The following AK5 variants were observed in gnomAD, a reference collection of about 807,000 sequenced individuals.
The protein encoded by AK5 is adenylate kinase isoenzyme 5.
Under a neutral mutation model 69.5 loss-of-function variants are expected in AK5, and 27 were observed. That is an observed-to-expected ratio of 0.39 (90% CI 0.29 to 0.54). The LOEUF is 0.54. Ranked by LOEUF, AK5 falls within the 20% of genes least tolerant of loss-of-function variation. The pLI, the probability that AK5 is intolerant of heterozygous loss-of-function variation, is 0.71. For missense variants in AK5, 531 were observed against 700.4 expected (o/e 0.76, Z 2.73); for synonymous variants, 260 against 244.4 (o/e 1.06, Z -0.60).
intron 6 of AK5, among the ~76,000 whole-genome samples, chr1:77,376,409 T>G (rs1465903579): frequency 2.0e-5 from 2 of 100,750 alleles, no homozygotes; most frequent in African/African-American, 8.0e-5. Flanking sequence ...AGCCAAAAAG[T>G]GAGCACTTCA....
At chr1:77,510,667 A>G (rs1342673351) in intron 10 of AK5, among the ~76,000 whole-genome samples, 1 of 152,142 alleles carries the variant, frequency 6.6e-6, no homozygotes, top group Non-Finnish European at 1.5e-5. Flanking sequence ...TTTCATATGG[A>G]CAAAAAAGAG....
intron 8 of AK5, among the ~76,000 whole-genome samples, chr1:77,438,294 CAAAAAAAAAAAAAAA>C (rs56019139): frequency 2.4e-3 from 127 of 52,810 alleles, no homozygotes; most frequent in East Asian, 0.023. Context: ...ATATTTGGTA[CAAAAAAAAAAAAAAA>C]AAAAAAAAAA....
At chr1:77,334,714 C>T (rs956815135) in intron 5 of AK5, among the ~76,000 whole-genome samples, 4 of 152,072 alleles carry the variant, frequency 2.6e-5, no homozygotes, top group African/African-American at 9.7e-5. Context: ...CACCTTAACA[C>T]AATAAGAGTT....
chr1:77,298,627 A>C, intron 5 of AK5, among the ~76,000 whole-genome samples: 1 of 144,644 alleles, frequency 6.9e-6, no homozygotes, highest in Admixed American at 6.8e-5. Context: ...AATATGACGA[A>C]ACCCCATCTC....
intron 6 of AK5, among the ~76,000 whole-genome samples, chr1:77,388,848 C>T (rs1164757913): frequency 6.6e-6 from 1 of 151,910 alleles, no homozygotes; most frequent in African/African-American, 2.4e-5. Flanking sequence ...GACGTGGTGA[C>T]TGGAAGGGCT....
At chr1:77,441,611 T>A in intron 8 of AK5, among the ~76,000 whole-genome samples, 1 of 152,220 alleles carries the variant, frequency 6.6e-6, no homozygotes, top group East Asian at 1.9e-4. Context: ...GCTGTAGGAC[T>A]TTGTGGTAGC....
intron 6 of AK5, among the ~76,000 whole-genome samples, chr1:77,404,414 A>T (rs1057131036): frequency 6.6e-5 from 10 of 152,118 alleles, no homozygotes; most frequent in African/African-American, 2.4e-4. Context: ...AAGTATCAAC[A>T]TATGTTGTTT....
intron 3 of AK5, among the ~76,000 whole-genome samples, 166 bp from the exon 4 acceptor site, chr1:77,297,393 C>T (rs1179444791): frequency 6.6e-6 from 1 of 152,116 alleles, no homozygotes; most frequent in Non-Finnish European, 1.5e-5. Flanking sequence ...GACAAAGTCT[C>T]TACTTGCTTT....
intron 13 of AK5, among the ~76,000 whole-genome samples, chr1:77,544,699 G>A (rs1398545513): frequency 1.3e-5 from 2 of 152,104 alleles, no homozygotes. Context: ...GCATGGAGCT[G>A]TCGTCTGCTT....
intron 2 of AK5, among the ~76,000 whole-genome samples, chr1:77,290,408 G>C (rs1658621888): frequency 6.6e-6 from 1 of 152,132 alleles, no homozygotes; most frequent in African/African-American, 2.4e-5. Context: ...CTATGTTAAT[G>C]TGTTATTACT....
Position 77,450,249 on chromosome 1 carries a change from G to C in AK5, c.1059+32534G>C, listed in dbSNP as rs528960020. ...GTTCCAAACTTTCCCACATTTTCCTGTCTTCTTCTGAGCCCTCCAAACTAT... is the reference window on the plus strand; with the variant it reads ...GTTCCAAACTTTCCCACATTTTCCTCTCTTCTTCTGAGCCCTCCAAACTAT... On this transcript the variant is annotated intron_variant, in intron 8 of 13. Coordinates refer to ENST00000354567, the MANE Select transcript of AK5 (RefSeq NM_174858.3). Among the ~76,000 whole-genome samples, 105 of 152,184 alleles carry C rather than the reference G, an allele frequency of 6.9e-4. 1 individual carries two copies. The highest frequency in any genetic ancestry group is 1.3e-3 in the Non-Finnish European group (89 of 68,010).
intron 10 of AK5, among the ~76,000 whole-genome samples, chr1:77,505,397 C>G (rs72681697): frequency 0.13 from 19,037 of 152,144 alleles, 1,600 homozygotes; most frequent in Admixed American, 0.19. Context: ...CCAAAGAAAA[C>G]CAAACTAGAA....
chr1:77,494,515 C>T (rs1227848721), intron 10 of AK5, among the ~76,000 whole-genome samples: 3 of 152,132 alleles, frequency 2.0e-5, no homozygotes, highest in African/African-American at 7.2e-5. Flanking sequence ...CCCTTATCTC[C>T]TCTGGATTTC....
At chr1:77,293,307 G>A (rs1377459938) in intron 2 of AK5, among the ~76,000 whole-genome samples, 1 of 152,132 alleles carries the variant, frequency 6.6e-6, no homozygotes, top group African/African-American at 2.4e-5. Context: ...CAATATATAA[G>A]CATTAGCTTT....
At chr1:77,370,881 T>C (rs1369404257) in intron 6 of AK5, among the ~76,000 whole-genome samples, 3 of 152,322 alleles carry the variant, frequency 2.0e-5, no homozygotes, top group South Asian at 4.1e-4. Context: ...ATCATTCAAG[T>C]GCTCCTGAAG....
At chr1:77,303,792 A>G (rs1471436235) in intron 5 of AK5, among the ~76,000 whole-genome samples, 1 of 152,238 alleles carries the variant, frequency 6.6e-6, no homozygotes, top group Non-Finnish European at 1.5e-5. Context: ...TGCCATGGCC[A>G]GGTTCCAGCT....
chr1:77,532,971 C>A (rs183483761), intron 12 of AK5, among the ~76,000 whole-genome samples: 1 of 152,052 alleles, frequency 6.6e-6, no homozygotes. Flanking sequence ...TGATACATAG[C>A]GAAGCATTTT....
At chr1:77,409,697 TTACTC>T (rs1372349117) in intron 6 of AK5, among the ~76,000 whole-genome samples, 1 of 152,224 alleles carries the variant, frequency 6.6e-6, no homozygotes, top group African/African-American at 2.4e-5. Context: ...GGTTGTCTGT[TTACTC>T]TGCTGGTAGT....
At chr1:77,516,502 T>G (rs1281750719) in intron 10 of AK5, among the ~76,000 whole-genome samples, 1 of 152,128 alleles carries the variant, frequency 6.6e-6, no homozygotes, top group African/African-American at 2.4e-5. Context: ...TATATGTATA[T>G]CAAACATCAC....
Sources: allele counts gnomAD v4.1 joint callset (sites outside exome capture counted in the v4.1 genomes callset), GRCh38; gene constraint gnomAD v4.1.1; transcripts MANE v1.5; gene names NCBI Gene and HGNC (gene_info 2026-07-23, HGNC 2026-07-21).